The following TANC2 variants were observed in gnomAD, a reference collection of about 807,000 sequenced individuals.
The protein encoded by TANC2 is protein TANC2.
A neutral mutation model predicts 210.5 loss-of-function variants in TANC2; 26 were observed. That is an observed-to-expected ratio of 0.12 (90% CI 0.09 to 0.17). The LOEUF is 0.17. Among genes scored for constraint, TANC2 ranks in the 10% least tolerant of loss-of-function variants. The pLI is 1.00. For synonymous variants in TANC2, 931 were observed against 967.1 expected, an observed-to-expected ratio of 0.96 and a Z score of 0.69; for missense variants, 2,129 against 2,608.9, an observed-to-expected ratio of 0.82 and a Z score of 4.01.
At chr17:63,253,564 A>G (rs991081035) in intron 8 of TANC2, among the ~76,000 whole-genome samples, 1 of 152,090 alleles carries the variant, frequency 6.6e-6, no homozygotes, top group Non-Finnish European at 1.5e-5. Flanking sequence ...TAACAGTTTC[A>G]TAGTTTGGGG....
In TANC2 at chr17:63,412,690, G is replaced by A. The variant is rs974208932; in HGVS notation, c.3909G>A (p.Thr1303=). The A allele has an allele frequency of 2.0e-6, 3 of 1,531,982 alleles. No homozygotes were observed. Among genetic ancestry groups the A allele is most frequent in the African/African-American group, 1.4e-5 (1 of 71,466 alleles). The allele number at this position is 1,531,982 out of a possible 1,614,324, so 94.9% of individuals were successfully genotyped here. A position where few individuals can be genotyped will look rare whatever the true frequency, so the allele number is the denominator to read the frequency against. ...CTCCTTTCTTTGAAGGTTGTCAGAC[G>A]TTACCGAGTCGCCCACGAGGTATAT... The change falls in exon 24 of 28, where the codon ACG becomes ACA. Residue 1303 remains threonine (T), a synonymous_variant. Transcript: ENST00000689528. The surrounding 1 kb of genome is among the most constrained non-coding windows in gnomAD (Gnocchi z 4.2).
At chr17:63,398,650 T>C (rs993284031) in intron 18 of TANC2, among the ~76,000 whole-genome samples, 171 bp from the exon 19 acceptor site, 4 of 152,188 alleles carry the variant, frequency 2.6e-5, no homozygotes, top group Non-Finnish European at 2.9e-5. Flanking sequence ...AGACAAATGC[T>C]CATCATGGAA....
At position 63,311,773 on chromosome 17, in the gene TANC2, C is replaced by T. The variant is rs555815059; in HGVS notation, c.1160-2615C>T. On this transcript the variant is annotated intron_variant, in intron 9 of 27. Coordinates refer to ENST00000689528, the Ensembl canonical transcript of TANC2. ...ATAAACAAAATATGGTATATCCATACAATGGAATATTATTCAGCAATAAAG... is the reference window on the plus strand; with the variant it reads ...ATAAACAAAATATGGTATATCCATATAATGGAATATTATTCAGCAATAAAG... Among the ~76,000 whole-genome samples, 50 of 152,264 alleles carry T rather than the reference C, an allele frequency of 3.3e-4. No homozygotes were observed. In the South Asian group the frequency reaches 9.9e-3, roughly 30 times the overall value.
intron 11 of TANC2, among the ~76,000 whole-genome samples, chr17:63,320,916 T>C (rs1405745298): frequency 1.3e-5 from 2 of 152,190 alleles, no homozygotes; most frequent in Non-Finnish European, 2.9e-5. Context: ...ATTAGATTTC[T>C]GGCTGGGCGC....
chr17:63,358,379 ATG>A lies in TANC2; in HGVS notation c.2582+3021_2582+3022del, dbSNP rs375498280. On this transcript the variant is annotated intron_variant, in intron 14 of 27. Coordinates refer to ENST00000689528, the Ensembl canonical transcript of TANC2. ...AGAGAGAGAGAGAGAGAGAGAGAGT[ATG>A]TGTGTGTGTGTGTGTGTGTGTGTGT... Among the ~76,000 whole-genome samples, 702 of 139,634 alleles carry A rather than the reference ATG, an allele frequency of 5.0e-3. 8 individuals carry two copies. The highest frequency in any genetic ancestry group is 0.041 in the East Asian group (193 of 4,726). 91.6% of individuals were successfully genotyped at this position (139,634 alleles called of 152,430 possible). A position where few individuals can be genotyped will look rare whatever the true frequency, so the allele number is the denominator to read the frequency against.
intron 8 of TANC2, among the ~76,000 whole-genome samples, chr17:63,250,021 A>C (rs2043014290): frequency 6.6e-6 from 1 of 152,164 alleles, no homozygotes; most frequent in African/African-American, 2.4e-5. Context: ...AACTTCAAAA[A>C]TGCATGTCAG....
intron 5 of TANC2, among the ~76,000 whole-genome samples, chr17:63,184,409 G>A: frequency 6.6e-6 from 1 of 151,908 alleles, no homozygotes; most frequent in East Asian, 1.9e-4. Context: ...TACATTTTTT[G>A]TAATTTTGTA....
At chr17:63,242,932 C>T (rs1054963170) in intron 8 of TANC2, among the ~76,000 whole-genome samples, 2 of 152,100 alleles carry the variant, frequency 1.3e-5, no homozygotes, top group Non-Finnish European at 2.9e-5. Context: ...AAAATGCAAA[C>T]TAATCTGTAG....
chr17:63,094,127 T>C (rs1407218716), intron 3 of TANC2, among the ~76,000 whole-genome samples: 1 of 152,202 alleles, frequency 6.6e-6, no homozygotes, highest in East Asian at 1.9e-4. Context: ...AACCTGTGAA[T>C]TTGCCTTACT....
chr17:62,967,720 T>C (rs1288440990), intron 1 of TANC2: 1 of 152,074 alleles, frequency 6.6e-6, no homozygotes, highest in Non-Finnish European at 1.5e-5. Flanking sequence ...ACAAAAGGGA[T>C]AGATTTTCAG....
chr17:63,152,308 A>T (rs186545659), intron 5 of TANC2: 1 of 152,310 alleles, frequency 6.6e-6, no homozygotes, highest in Admixed American at 6.5e-5. Context: ...CTGTGATCTG[A>T]AATGTCAGTA....
At chr17:63,201,264 C>A (rs966786510) in intron 7 of TANC2, among the ~76,000 whole-genome samples, 2 of 152,018 alleles carry the variant, frequency 1.3e-5, no homozygotes, top group African/African-American at 4.8e-5. Flanking sequence ...AGAAGTAGTT[C>A]AGAAAAAGTT....
At position 63,353,369 on chromosome 17, in the gene TANC2, T is replaced by C. The variant is rs184624869; in HGVS notation, c.1975-1414T>C. Among the ~76,000 whole-genome samples, 295 of 152,266 alleles carry C rather than the reference T, an allele frequency of 1.9e-3. 1 individual carries two copies. Among genetic ancestry groups the C allele is most frequent in the Middle Eastern group, 6.8e-3 (2 of 294 alleles). ...GAGGACAATAGAAAGATCACAGATA[T>C]CTTCTAGAATTTGGTGGTAGAGTCA... is the stretch of plus-strand genomic sequence containing the variant. On this transcript the variant is annotated intron_variant, in intron 13 of 27. Transcript: ENST00000689528.
chr17:63,298,764 T>TATTG (rs1450267400), intron 9 of TANC2, among the ~76,000 whole-genome samples: 1 of 152,154 alleles, frequency 6.6e-6, no homozygotes, highest in African/African-American at 2.4e-5. Context: ...TTTATTTATT[T>TATTG]TATATTATTT....
intron 4 of TANC2, among the ~76,000 whole-genome samples, chr17:63,128,372 G>A (rs1263714385): frequency 2.0e-5 from 3 of 152,118 alleles, no homozygotes; most frequent in Admixed American, 6.5e-5. Context: ...TATGCCTACT[G>A]CGTACCCCCA....
At chr17:63,295,330 CAGT>C (rs1433653210) in intron 9 of TANC2, among the ~76,000 whole-genome samples, 1 of 152,112 alleles carries the variant, frequency 6.6e-6, no homozygotes, top group Non-Finnish European at 1.5e-5. Flanking sequence ...AAAGCTTTCT[CAGT>C]AGAATAAAAT....
chr17:63,134,478 TG>T (rs1455532146), intron 4 of TANC2, among the ~76,000 whole-genome samples: 2 of 152,222 alleles, frequency 1.3e-5, no homozygotes, highest in Non-Finnish European at 2.9e-5. Context: ...GCATCTGTTG[TG>T]TACATGATCA....
intron 6 of TANC2, among the ~76,000 whole-genome samples, chr17:63,198,411 T>C (rs1337241220): frequency 6.6e-6 from 1 of 152,104 alleles, no homozygotes; most frequent in Non-Finnish European, 1.5e-5. Flanking sequence ...GCCAGGCTGG[T>C]CTCAAACTCC....
intron 7 of TANC2, among the ~76,000 whole-genome samples, chr17:63,207,754 A>T (rs1251130633): frequency 6.6e-6 from 1 of 152,184 alleles, no homozygotes; most frequent in Non-Finnish European, 1.5e-5. Flanking sequence ...GTTAGAAGTG[A>T]AATTGTCAGA....
Sources: gnomAD v4.1 joint callset for allele counts (sites outside exome capture counted in the v4.1 genomes callset) on GRCh38, gnomAD v4.1.1 for gene constraint, Gnocchi (gnomAD v3.1) non-coding constraint, MANE v1.5 for transcripts, NCBI Gene and HGNC (gene_info 2026-07-23, HGNC 2026-07-21) for gene names.